ROBO2: variants seen among roughly 807,000 people sequenced by gnomAD.
ROBO2 encodes the protein roundabout guidance receptor 2.
ROBO2 carries 53 observed loss-of-function variants against 160.8 expected under a neutral mutation model. That is an observed-to-expected ratio of 0.33 (90% confidence interval 0.26 to 0.41). The LOEUF (loss-of-function observed/expected upper bound fraction) is 0.41. Among genes scored for constraint, ROBO2 ranks in the 10% least tolerant of loss-of-function variants. ROBO2 has a pLI of 1.00. For missense variants in ROBO2, 1,577 were observed against 1,722.4 expected (o/e 0.92, Z 1.49); for synonymous variants, 664 against 611.7 (o/e 1.09, Z -1.26).
intron 2 of ROBO2, among the ~76,000 whole-genome samples, chr3:76,645,690 G>A (rs1416671591): frequency 3.3e-5 from 5 of 152,062 alleles, no homozygotes; most frequent in African/African-American, 9.7e-5. Flanking sequence ...AGATGTTGGC[G>A]ACTAAAGGCA....
Position 77,175,538 on chromosome 3 carries a change from G to C in ROBO2, c.388+77198G>C, listed in dbSNP as rs182540020. ...TTGGATCTACGTGTTAGCAACAGTGGACAGTTGGAGGCAGGAAGTGTGTGA... is the reference window on the plus strand; with the variant it reads ...TTGGATCTACGTGTTAGCAACAGTGCACAGTTGGAGGCAGGAAGTGTGTGA... On this transcript the variant is annotated intron_variant, in intron 2 of 25. Transcript: ENST00000461745. Among the ~76,000 whole-genome samples, 612 of 152,098 alleles carry C rather than the reference G, an allele frequency of 4.0e-3. 9 individuals are homozygous for C. Among genetic ancestry groups the C allele is most frequent in the Non-Finnish European group, 4.3e-3 (294 of 67,952 alleles).
At chr3:76,450,478 A>T (rs2109262541) in intron 2 of ROBO2, among the ~76,000 whole-genome samples, 1 of 152,254 alleles carries the variant, frequency 6.6e-6, no homozygotes, top group African/African-American at 2.4e-5. Context: ...TGAAAATTTT[A>T]ACTTATTCTA....
intron 2 of ROBO2, among the ~76,000 whole-genome samples, chr3:76,878,140 A>G (rs2072960956): frequency 2.0e-5 from 3 of 152,182 alleles, no homozygotes. Flanking sequence ...CCTATGATGC[A>G]TTGAGCACAT....
intron 2 of ROBO2, among the ~76,000 whole-genome samples, chr3:76,708,455 T>C (rs2093217065): frequency 6.6e-6 from 1 of 152,220 alleles, no homozygotes; most frequent in Admixed American, 6.5e-5. Context: ...AGTTTAAGGA[T>C]ATCTTTTCAA....
At position 76,134,478 on chromosome 3, in the gene ROBO2, A is replaced by G. The variant is rs1209303778; in HGVS notation, c.109+196876A>G. On this transcript the variant is annotated intron_variant, in intron 2 of 26. Transcript: ENST00000487694. Reference sequence around the variant, plus strand: ...GGGATTTTGCAGATGTATTAAGGTTACTAATCAGAGGTTATCTTGGATAGG... The same window carrying G: ...GGGATTTTGCAGATGTATTAAGGTTGCTAATCAGAGGTTATCTTGGATAGG... 3.3e-5 allele frequency among the ~76,000 whole-genome samples: 5 copies of G among 152,134 alleles called. No homozygotes were observed. The East Asian group carries it at 7.7e-4, about 23-fold the overall frequency.
At chr3:76,951,979 T>C (rs1332112219) in intron 2 of ROBO2, among the ~76,000 whole-genome samples, 6 of 152,224 alleles carry the variant, frequency 3.9e-5, no homozygotes, top group Non-Finnish European at 8.8e-5. Context: ...AGATGTAAAA[T>C]GTATTTTTTC....
chr3:76,607,818 G>A (rs2087778561), intron 2 of ROBO2, among the ~76,000 whole-genome samples: 1 of 152,102 alleles, frequency 6.6e-6, no homozygotes, highest in South Asian at 2.1e-4. Context: ...ACACTTTTGA[G>A]GAACAAATAT....
chr3:77,551,482 A>T (rs139709257), intron 8 of ROBO2, among the ~76,000 whole-genome samples: 21 of 152,166 alleles, frequency 1.4e-4, no homozygotes, highest in African/African-American at 5.1e-4. Flanking sequence ...GAACAATGCT[A>T]AAATTATTAT....
At chr3:75,951,379 T>A (rs1192452661) in intron 2 of ROBO2, among the ~76,000 whole-genome samples, 1 of 152,076 alleles carries the variant, frequency 6.6e-6, no homozygotes, top group Non-Finnish European at 1.5e-5. Flanking sequence ...CTCTCCTTCA[T>A]CTACTCGTTC....
chr3:76,710,273 A>C (rs1031990417), intron 2 of ROBO2, among the ~76,000 whole-genome samples: 6 of 151,802 alleles, frequency 4.0e-5, no homozygotes, highest in African/African-American at 1.5e-4. Context: ...GGTCCGCACC[A>C]CCCTGCCAAG....
chr3:75,963,281 G>A (rs890171941), intron 2 of ROBO2, among the ~76,000 whole-genome samples: 2 of 151,606 alleles, frequency 1.3e-5, no homozygotes, highest in African/African-American at 4.8e-5. Flanking sequence ...TTGATCTCCT[G>A]GGCTCAAGCA....
intron 2 of ROBO2, among the ~76,000 whole-genome samples, chr3:76,912,756 T>C (rs2076069181): frequency 1.3e-5 from 2 of 152,128 alleles, no homozygotes; most frequent in South Asian, 4.1e-4. Context: ...TAACGTTAAT[T>C]AGGCAATGTG....
intron 2 of ROBO2, among the ~76,000 whole-genome samples, chr3:76,097,507 CTAA>C (rs2108138484): frequency 6.6e-6 from 1 of 152,180 alleles, no homozygotes; most frequent in South Asian, 2.1e-4. Flanking sequence ...TCTAAGGAGA[CTAA>C]TGAGTATTGT....
rs61693811 is a variant in ROBO2 at position 76,081,484 on chromosome 3, T to C, written c.109+143882T>C. ...AGCAATCAATAAACAATAATAAAAA[T>C]AATAAATAACTTGTTTTAATCCTTC... On this transcript the variant is annotated intron_variant, in intron 2 of 26. Coordinates refer to the ROBO2 transcript ENST00000487694. Among the ~76,000 whole-genome samples, 27 of 152,206 alleles carry C rather than the reference T, an allele frequency of 1.8e-4. No individual in the cohort carries two copies. The East Asian group carries it at 4.6e-3, about 26-fold the overall frequency.
intron 2 of ROBO2, among the ~76,000 whole-genome samples, chr3:76,141,078 A>ATATATATATATATATATAT (rs1559585714): frequency 1.7e-4 from 3 of 17,516 alleles, no homozygotes; most frequent in African/African-American, 4.9e-4. Context: ...TATATATATA[A>ATATATATATATATATATAT]AATATATGTG....
At chr3:76,367,034 C>T (rs1475722245) in intron 2 of ROBO2, among the ~76,000 whole-genome samples, 1 of 151,940 alleles carries the variant, frequency 6.6e-6, no homozygotes, top group Non-Finnish European at 1.5e-5. Context: ...ATGTCATAAG[C>T]AATTTTATAT....
chr3:76,179,130 C>T (rs1224856524), intron 2 of ROBO2, among the ~76,000 whole-genome samples: 6 of 151,982 alleles, frequency 3.9e-5, no homozygotes, highest in African/African-American at 1.4e-4. Context: ...ATTAATGAGA[C>T]ATATTAATTT....
chr3:76,182,293 G>C (rs1328662526), intron 2 of ROBO2, among the ~76,000 whole-genome samples: 1 of 152,028 alleles, frequency 6.6e-6, no homozygotes, highest in Admixed American at 6.6e-5. Context: ...TAACCTTCCT[G>C]AACACATATA....
At chr3:77,492,592 A>G (rs919645242) in intron 4 of ROBO2, among the ~76,000 whole-genome samples, 1 of 152,186 alleles carries the variant, frequency 6.6e-6, no homozygotes, top group Non-Finnish European at 1.5e-5. Context: ...AGAGAAGACC[A>G]TTGGAGAAAA....
Sources: allele counts gnomAD v4.1 joint callset (sites outside exome capture counted in the v4.1 genomes callset), GRCh38; gene constraint gnomAD v4.1.1; transcripts MANE v1.5; gene names NCBI Gene and HGNC (gene_info 2026-07-23, HGNC 2026-07-21).